NEXMIF: variants seen among roughly 807,000 people sequenced by gnomAD.
The protein encoded by NEXMIF is neurite extension and migration factor, also known as XLMR protein related to neurite extension.
A neutral mutation model predicts 62.1 loss-of-function variants in NEXMIF; 8 were observed. The observed-to-expected ratio is 0.13, with a 90% CI of 0.08 to 0.23. The LOEUF (loss-of-function observed/expected upper bound fraction) is 0.23, where lower values mean the gene tolerates loss of function less well. Among genes scored for constraint, NEXMIF ranks in the 10% least tolerant of loss-of-function variants. The pLI, the probability that NEXMIF is intolerant of heterozygous loss-of-function variation, is 1.00. For synonymous variants in NEXMIF, 404 were observed against 416.6 expected (o/e 0.97, Z 0.37); for missense variants, 976 against 1,113.3 (o/e 0.88, Z 1.75).
chrX:74,882,891 C>G (rs1033832461), intron 1 of NEXMIF, among the ~76,000 whole-genome samples: 1 of 111,830 alleles, frequency 8.9e-6, no homozygotes, highest in Non-Finnish European at 1.9e-5. Context: ...ATGGGAGGCG[C>G]CCCCTAGTAG....
intron 1 of NEXMIF, among the ~76,000 whole-genome samples, chrX:74,786,372 A>C (rs1319979785): frequency 8.9e-6 from 1 of 111,797 alleles, no homozygotes; most frequent in Admixed American, 9.5e-5. Flanking sequence ...AAGAGCTGGA[A>C]AAAACCCTTG....
intron 1 of NEXMIF, among the ~76,000 whole-genome samples, chrX:74,884,891 T>C (rs1416888627): frequency 9.0e-6 from 1 of 111,453 alleles, no homozygotes; most frequent in Non-Finnish European, 1.9e-5. Flanking sequence ...ACCACATTCT[T>C]GGAAGTAAAG....
intron 1 of NEXMIF, among the ~76,000 whole-genome samples, chrX:74,872,540 G>A (rs1401986579): frequency 9.2e-6 from 1 of 108,901 alleles, no homozygotes; most frequent in Non-Finnish European, 1.9e-5. Flanking sequence ...ACTGACTATA[G>A]TAAAAAGTAA....
chrX:74,871,620 C>A (rs983675565), intron 1 of NEXMIF, among the ~76,000 whole-genome samples: 16 of 110,863 alleles, frequency 1.4e-4, no homozygotes, highest in Admixed American at 6.8e-4. Context: ...ATAGACCTAC[C>A]CCCAGGAATG....
chrX:74,846,607 A>G (rs758558717), intron 1 of NEXMIF, among the ~76,000 whole-genome samples: 1 of 112,093 alleles, frequency 8.9e-6, no homozygotes, highest in East Asian at 2.8e-4. Context: ...AGGTAAATAT[A>G]TTTTTAAACG....
chrX:74,771,821 CTGTG>C (rs756161385), intron 1 of NEXMIF, among the ~76,000 whole-genome samples: 3 of 108,862 alleles, frequency 2.8e-5, no homozygotes, highest in African/African-American at 6.7e-5. Context: ...AACTCTCACT[CTGTG>C]TGTGTGTGTG....
chrX:74,791,225 T>A (rs1482596981), intron 1 of NEXMIF, among the ~76,000 whole-genome samples: 1 of 111,923 alleles, frequency 8.9e-6, no homozygotes, highest in Non-Finnish European at 1.9e-5. Flanking sequence ...TCTGCATCTA[T>A]TGAGATAATC....
At chrX:74,924,608 C>T (rs1040120853) in intron 1 of NEXMIF, among the ~76,000 whole-genome samples, 2 of 113,579 alleles carry the variant, frequency 1.8e-5, no homozygotes, top group South Asian at 3.5e-4. Context: ...CTCGCTTCCC[C>T]TCCCCCCGCA....
At position 74,744,244 on chromosome X, in the gene NEXMIF, T is replaced by C; in HGVS notation, c.313A>G (p.Ile105Val). Residue 105 changes from isoleucine to valine, a missense_variant, in exon 3 of 4, where the codon ATT (isoleucine) becomes GTT (valine). Ile to Val is a conservative substitution (Grantham distance 29). Transcript: ENST00000055682. ...SVNAISLTSGIAKGLNTWSLP... is the reference protein window; with the variant it reads ...SVNAISLTSGVAKGLNTWSLP... The stretch of plus-strand genomic sequence containing the variant: ...GACCATGTGTTCAGGCCTTTTGCAA[T>C]GCCAGATGTGAGGGAGATGGCATTC... 1 of 1,211,448 alleles carries C rather than the reference T, an allele frequency of 8.3e-7. No homozygotes were observed. Among genetic ancestry groups the C allele is most frequent in the East Asian group, 3.0e-5 (1 of 33,821 alleles).
chrX:74,751,309 C>T (rs181101250), intron 1 of NEXMIF, among the ~76,000 whole-genome samples: 37 of 111,467 alleles, frequency 3.3e-4, no homozygotes, highest in East Asian at 1.1e-3. Flanking sequence ...GGACAGAGTA[C>T]GATCATTAGC....
At chrX:74,885,842 C>T (rs1462624676) in intron 1 of NEXMIF, among the ~76,000 whole-genome samples, 2 of 110,983 alleles carry the variant, frequency 1.8e-5, no homozygotes, top group Non-Finnish European at 3.8e-5. Context: ...AGAGACACAA[C>T]AAAAAAAGAG....
intron 1 of NEXMIF, among the ~76,000 whole-genome samples, chrX:74,886,301 C>T (rs1299347979): frequency 9.0e-6 from 1 of 111,419 alleles, no homozygotes; most frequent in East Asian, 2.8e-4. Context: ...CTGGCTAGGG[C>T]AATGAGGCAG....
At chrX:74,823,306 A>G (rs1302721161) in intron 1 of NEXMIF, among the ~76,000 whole-genome samples, 1 of 111,691 alleles carries the variant, frequency 9.0e-6, no homozygotes, top group Non-Finnish European at 1.9e-5. Flanking sequence ...CTAAAGAACA[A>G]TGAACTGTAT....
At chrX:74,842,489 T>C (rs1019800240) in intron 1 of NEXMIF, among the ~76,000 whole-genome samples, 3 of 112,283 alleles carry the variant, frequency 2.7e-5, no homozygotes, top group Non-Finnish European at 3.8e-5. Flanking sequence ...GTTCTGATTT[T>C]TTTTATTTCT....
At chrX:74,798,753 A>C (rs2080320059) in intron 1 of NEXMIF, among the ~76,000 whole-genome samples, 1 of 111,358 alleles carries the variant, frequency 9.0e-6, no homozygotes. Flanking sequence ...ATTGATGCTA[A>C]CTTAAAATAT....
At chrX:74,862,873 T>C (rs1375798223) in intron 1 of NEXMIF, among the ~76,000 whole-genome samples, 2 of 110,910 alleles carry the variant, frequency 1.8e-5, no homozygotes, top group Non-Finnish European at 3.8e-5. Context: ...TATATGCCCA[T>C]ATGAAAAAGC....
intron 1 of NEXMIF, among the ~76,000 whole-genome samples, chrX:74,877,691 T>C (rs950338185): frequency 3.6e-5 from 4 of 111,391 alleles, no homozygotes; most frequent in African/African-American, 1.3e-4. Flanking sequence ...TGCTCGTTTC[T>C]TTTTATTCTT....
intron 1 of NEXMIF, among the ~76,000 whole-genome samples, chrX:74,751,087 G>A (rs781356772): frequency 1.1e-4 from 12 of 110,945 alleles, no homozygotes; most frequent in South Asian, 3.9e-4. Context: ...AACATTAGCC[G>A]GGCATGGTGG....
intron 1 of NEXMIF, among the ~76,000 whole-genome samples, chrX:74,912,335 C>T (rs924315258): frequency 1.8e-5 from 2 of 111,408 alleles, no homozygotes; most frequent in African/African-American, 6.5e-5. Context: ...GTTAACGTTT[C>T]CTCAATCAAT....
Sources: allele counts gnomAD v4.1 joint callset (sites outside exome capture counted in the v4.1 genomes callset), GRCh38; gene constraint gnomAD v4.1.1; transcripts MANE v1.5; gene names NCBI Gene and HGNC (gene_info 2026-07-23, HGNC 2026-07-21).